The following DPP6 variants were observed in gnomAD, a reference collection of about 807,000 sequenced individuals.
DPP6 encodes the protein dipeptidyl peptidase like 6.
In DPP6, 69 loss-of-function variants were observed where a neutral mutation model predicts 122.6. That is an observed-to-expected ratio of 0.56 (90% CI 0.46 to 0.69). The LOEUF is 0.69. DPP6 is among the 30% of genes least tolerant of loss of function. The pLI is 0.00. For missense variants in DPP6, 928 were observed against 1,116.9 expected (o/e 0.83, Z 2.41); for synonymous variants, 418 against 433.1 (o/e 0.97, Z 0.43).
At chr7:154,130,459 A>C (rs979050836) in intron 1 of DPP6, among the ~76,000 whole-genome samples, 3 of 152,228 alleles carry the variant, frequency 2.0e-5, no homozygotes, top group African/African-American at 7.2e-5. Flanking sequence ...ATGCTATGTG[A>C]GAATGCTCTC....
chr7:154,827,208 A>ACG (rs896534995), intron 16 of DPP6, among the ~76,000 whole-genome samples: 48 of 150,464 alleles, frequency 3.2e-4, no homozygotes, highest in African/African-American at 5.1e-4. Flanking sequence ...AGACACACAC[A>ACG]CACACACACA....
chr7:154,475,333 C>T (rs560283964), intron 3 of DPP6: 3 of 390,038 alleles, frequency 7.7e-6, no homozygotes, highest in African/African-American at 6.2e-5. Context: ...CATCATTTCT[C>T]CGGGGGAGCT....
intron 8 of DPP6, among the ~76,000 whole-genome samples, chr7:154,745,011 T>A (rs1327788187): frequency 2.0e-5 from 3 of 152,254 alleles, no homozygotes; most frequent in African/African-American, 7.2e-5. Flanking sequence ...GCAATACTGA[T>A]ATTACTCAGG....
the DPP6 span, among the ~76,000 whole-genome samples, chr7:153,757,805 A>G: frequency 1.3e-5 from 2 of 152,110 alleles, no homozygotes; most frequent in East Asian, 3.9e-4. Context: ...TAAAATACAA[A>G]AATTAGCCAG....
intron 1 of DPP6, among the ~76,000 whole-genome samples, chr7:153,932,208 C>A (rs944629550): frequency 6.6e-6 from 1 of 151,790 alleles, no homozygotes; most frequent in Non-Finnish European, 1.5e-5. Flanking sequence ...ACAACCTCCA[C>A]CTCCCGGGTT....
At chr7:153,766,416 T>C in the DPP6 span, among the ~76,000 whole-genome samples, 1 of 152,160 alleles carries the variant, frequency 6.6e-6, no homozygotes, top group Non-Finnish European at 1.5e-5. Context: ...ATATATTTTA[T>C]GTTTATCTTA....
intron 1 of DPP6, among the ~76,000 whole-genome samples, chr7:153,920,223 A>C (rs911273991): frequency 3.9e-5 from 6 of 151,992 alleles, no homozygotes; most frequent in Non-Finnish European, 7.4e-5. Flanking sequence ...ACCTGCAGAC[A>C]TGTCACTGGG....
chr7:154,097,141 T>C (rs1805383715), intron 1 of DPP6, among the ~76,000 whole-genome samples: 1 of 152,226 alleles, frequency 6.6e-6, no homozygotes, highest in Non-Finnish European at 1.5e-5. Context: ...TTTCCTGCAA[T>C]GTGAGTCACT....
intron 1 of DPP6, among the ~76,000 whole-genome samples, chr7:154,440,018 C>A (rs1047860472): frequency 2.6e-5 from 4 of 152,136 alleles, no homozygotes; most frequent in Admixed American, 2.6e-4. Context: ...AGAGGGGCAC[C>A]CGCAGGTTTG....
At chr7:154,327,495 T>C (rs1406018198) in intron 1 of DPP6, among the ~76,000 whole-genome samples, 3 of 152,300 alleles carry the variant, frequency 2.0e-5, no homozygotes, top group East Asian at 1.9e-4. Flanking sequence ...AGTCCCCTTA[T>C]ACTACACCGT....
At chr7:154,571,027 CA>C in intron 5 of DPP6, among the ~76,000 whole-genome samples, 1 of 152,070 alleles carries the variant, frequency 6.6e-6, no homozygotes, top group Non-Finnish European at 1.5e-5. Context: ...ATTCCTGCTC[CA>C]AAGAGACAAC....
chr7:154,324,834 C>CTT (rs1808286017), intron 1 of DPP6, among the ~76,000 whole-genome samples: 1 of 146,258 alleles, frequency 6.8e-6, no homozygotes, highest in Non-Finnish European at 1.5e-5. Context: ...TCTCCATTTT[C>CTT]TTTTCTTTCT....
chr7:153,966,037 A>T (rs916113295), intron 1 of DPP6, among the ~76,000 whole-genome samples: 13 of 144,482 alleles, frequency 9.0e-5, no homozygotes, highest in Non-Finnish European at 1.7e-4. Flanking sequence ...AAGAAGAGGT[A>T]GATATGGAGA....
intron 5 of DPP6, among the ~76,000 whole-genome samples, chr7:154,617,013 C>T (rs897983298): frequency 1.3e-5 from 2 of 152,196 alleles, no homozygotes; most frequent in Non-Finnish European, 2.9e-5. Context: ...AGTCAGCCTT[C>T]ATCACCCCAA....
At chr7:154,887,601 C>T in intron 22 of DPP6, 75 bp from the exon 23 acceptor site, 1 of 1,485,528 alleles carries the variant, frequency 6.7e-7, no homozygotes, top group Admixed American at 1.7e-5. Flanking sequence ...GTCCAGGGCC[C>T]TCCCTAGAGT....
chr7:154,712,093 C>CTCAATTAG (rs935003204), intron 7 of DPP6, among the ~76,000 whole-genome samples: 4 of 151,920 alleles, frequency 2.6e-5, no homozygotes, highest in Non-Finnish European at 5.9e-5. Flanking sequence ...CAAATAAAGC[C>CTCAATTAG]TCAATTAGTT....
intron 8 of DPP6, among the ~76,000 whole-genome samples, chr7:154,735,750 T>C (rs1842542848): frequency 6.6e-6 from 1 of 152,234 alleles, no homozygotes; most frequent in South Asian, 2.1e-4. Flanking sequence ...TCTGTGCTTC[T>C]CTGAACCTGT....
chr7:154,752,101 T>C (rs1315474234), intron 8 of DPP6, among the ~76,000 whole-genome samples: 1 of 152,152 alleles, frequency 6.6e-6, no homozygotes, highest in Non-Finnish European at 1.5e-5. Flanking sequence ...GTTTTTCTCA[T>C]ATAGGGGCCT....
intron 2 of DPP6, among the ~76,000 whole-genome samples, chr7:154,460,540 C>T (rs1309802199): frequency 6.6e-6 from 1 of 152,128 alleles, no homozygotes; most frequent in African/African-American, 2.4e-5. Flanking sequence ...GGGAAAGAAG[C>T]ATGCTTAAAA....
Sources: allele counts gnomAD v4.1 joint callset (sites outside exome capture counted in the v4.1 genomes callset), GRCh38; gene constraint gnomAD v4.1.1; transcripts MANE v1.5; gene names NCBI Gene and HGNC (gene_info 2026-07-23, HGNC 2026-07-21).